Variants in PNISR observed in about 807,000 individuals in gnomAD.
The protein encoded by PNISR is arginine/serine-rich protein PNISR.
In PNISR, 20 loss-of-function variants were observed where a neutral mutation model predicts 93.4. That is an observed-to-expected ratio of 0.21 (90% confidence interval 0.15 to 0.31). The LOEUF is 0.31. Among genes scored for constraint, PNISR ranks in the 10% least tolerant of loss-of-function variants. The pLI, the probability that PNISR is intolerant of heterozygous loss-of-function variation, is 1.00. For missense variants in PNISR, 893 were observed against 985.4 expected, an observed-to-expected ratio of 0.91 and a Z score of 1.25; for synonymous variants, 305 against 306.5, an observed-to-expected ratio of 0.99 and a Z score of 0.05.
intron 2 of PNISR, chr6:99,415,443 A>C (rs926359620): frequency 1.1e-4 from 17 of 152,190 alleles, no homozygotes; most frequent in African/African-American, 4.1e-4. Context: ...AAAAGATGGG[A>C]GGGAAGGTAC....
At chr6:99,409,552 C>A in intron 5 of PNISR, 1 of 428,214 alleles carries the variant, frequency 2.3e-6, no homozygotes. Context: ...TGCAAAGAGG[C>A]TTCTAAAAGC....
intron 1 of PNISR, 51 bp downstream of exon 1, chr6:99,425,164 C>G: frequency 1.7e-6 from 2 of 1,165,912 alleles, no homozygotes; most frequent in Non-Finnish European, 2.2e-6. Flanking sequence ...AAACCAAGAA[C>G]GTTGTAATGG....
chr6:99,414,598 T>G lies in PNISR; in HGVS notation c.62A>C (p.Gln21Pro). ...QWPLNQQQWM[Q>P]SFQHQQDPSQ... ...TGGATCCTGTTGGTGCTGGAATGAC[T>G]GCATCCATTGTTGCTGGTTCAAGGG... The change falls in exon 3 of 12, where the codon CAG (glutamine) becomes CCG (proline). Residue 21 changes from glutamine (Q) to proline (P), a missense_variant. Gln to Pro is a moderately conservative substitution (Grantham distance 76). Around this residue, in one of 3 missense-constraint regions of PNISR, gnomAD observed 24 missense variants for 32.9 expected, o/e 0.73. Coordinates refer to ENST00000369239, the MANE Select transcript of PNISR (RefSeq NM_032870.4). The G allele has an allele frequency of 6.2e-7, 1 of 1,600,744 alleles. No individual in the cohort carries two copies. The highest frequency in any genetic ancestry group is 8.6e-7 in the Non-Finnish European group (1 of 1,168,258).
chr6:99,412,886 T>C (rs1777134518), intron 3 of PNISR, 147 bp from the exon 4 acceptor site: 2 of 473,340 alleles, frequency 4.2e-6, no homozygotes, highest in Non-Finnish European at 3.7e-6. Flanking sequence ...AAATTTTTTT[T>C]GAATGAGATC....
chr6:99,409,042 C>A (rs1400027775), intron 6 of PNISR, 131 bp downstream of exon 6: 9 of 688,672 alleles, frequency 1.3e-5, no homozygotes, highest in Non-Finnish European at 2.2e-5. Context: ...AGCTTTATGA[C>A]CATAAAAAAT....
In PNISR at chr6:99,412,599, G is replaced by A; in HGVS notation, c.229C>T (p.His77Tyr). Residue 77 changes from histidine (H) to tyrosine (Y), a missense_variant, in exon 4 of 12, where the codon CAT (histidine) becomes TAT (tyrosine). By Grantham distance (83) the His-to-Tyr change is moderately conservative (BLOSUM62 2). Transcript: ENST00000369239. Reference sequence around the variant, plus strand: ...TTTGAATCCCCTTGGAAATTCCCATGATTGTTTGGACCAGATTCCATTGTA... The same window carrying A: ...TTTGAATCCCCTTGGAAATTCCCATAATTGTTTGGACCAGATTCCATTGTA... ...MSTMESGPNN[H>Y]GNFQGDSNFN... 1 of 1,607,390 alleles carries A rather than the reference G, an allele frequency of 6.2e-7. No homozygotes were observed.
chr6:99,402,871 A>C (rs537923843), intron 10 of PNISR, 161 bp from the exon 11 acceptor site: 2 of 476,318 alleles, frequency 4.2e-6, no homozygotes, highest in South Asian at 1.0e-4. Context: ...ACGCTTAAGG[A>C]GTTCACAGAA....
chr6:99,404,072 T>A (rs915101358), intron 9 of PNISR, 190 bp from the exon 10 acceptor site: 8 of 542,888 alleles, frequency 1.5e-5, no homozygotes, highest in Non-Finnish European at 2.3e-5. Flanking sequence ...TGATGTGAGC[T>A]GAAATTGGTT....
chr6:99,401,788 A>G (rs1303227985), intron 11 of PNISR, among the ~76,000 whole-genome samples, 158 bp from the exon 12 acceptor site: 1 of 152,226 alleles, frequency 6.6e-6, no homozygotes, highest in Non-Finnish European at 1.5e-5. Context: ...TAACCACATT[A>G]AAAAAGTAAA....
chr6:99,422,614 C>T (rs1216462059), intron 1 of PNISR, among the ~76,000 whole-genome samples: 1 of 152,160 alleles, frequency 6.6e-6, no homozygotes, highest in Admixed American at 6.5e-5. Context: ...CGGCTCATGC[C>T]TGTAAACCCA....
intron 1 of PNISR, among the ~76,000 whole-genome samples, chr6:99,423,009 C>G (rs144978360): frequency 2.6e-5 from 4 of 151,690 alleles, no homozygotes; most frequent in African/African-American, 9.7e-5. Flanking sequence ...CACCTAGGCA[C>G]GAGAACTTGG....
chr6:99,422,392 T>C (rs1385688874), intron 1 of PNISR, among the ~76,000 whole-genome samples: 1 of 152,224 alleles, frequency 6.6e-6, no homozygotes, highest in Non-Finnish European at 1.5e-5. Context: ...ATTTCAGTCT[T>C]ACATGAGTTG....
At position 99,400,712 on chromosome 6, in the gene PNISR, T is replaced by C; in HGVS notation, c.2246A>G (p.Lys749Arg). 4 of 1,613,272 alleles carry C rather than the reference T, an allele frequency of 2.5e-6. No individual in the cohort carries two copies. Among genetic ancestry groups the C allele is most frequent in the Non-Finnish European group, 2.5e-6 (3 of 1,179,770 alleles). Residue 749 changes from lysine (K) to arginine (R), a missense_variant, in exon 12 of 12, where the codon AAA (lysine) becomes AGA (arginine). Around this residue, in one of 3 missense-constraint regions of PNISR, gnomAD observed 866 missense variants for 935.1 expected, o/e 0.93. Transcript: ENST00000369239. ...DSKKSTTKDS[K>R]KHSGSDSSGR... is the part of the protein sequence containing the mutation. The stretch of plus-strand genomic sequence containing the variant: ...ACTAGAATCAGAGCCTGAATGTTTT[T>C]TACTATCTTTGGTAGTACTTTTCTT...
chr6:99,403,822 C>T lies in PNISR; in HGVS notation c.1156+7G>A. On this transcript the variant is annotated splice_region_variant and intron_variant, in intron 10 of 11. Transcript: ENST00000369239. ...TAGGCCCTCTCACAAATATGGAAAA[C>T]ACTTACCGAGTCCAGTGAGGGAAGC... 1 of 1,610,496 alleles carries T rather than the reference C, an allele frequency of 6.2e-7. No individual in the cohort carries two copies. The highest frequency in any genetic ancestry group is 8.5e-7 in the Non-Finnish European group (1 of 1,177,210).
chr6:99,404,247 G>C (rs918394995), intron 9 of PNISR: 2 of 364,016 alleles, frequency 5.5e-6, no homozygotes, highest in African/African-American at 4.2e-5. Context: ...AAAAATTGTA[G>C]GTAGATAATT....
At chr6:99,402,434 A>T (rs1775619679) in intron 11 of PNISR, 106 bp downstream of exon 11, 3 of 847,482 alleles carry the variant, frequency 3.5e-6, no homozygotes, top group Non-Finnish European at 5.1e-6. Context: ...ATCACATATT[A>T]TTTATAATAT....
chr6:99,423,265 T>G (rs544803881), intron 1 of PNISR, among the ~76,000 whole-genome samples: 1 of 152,144 alleles, frequency 6.6e-6, no homozygotes, highest in South Asian at 2.1e-4. Flanking sequence ...GATTATAATA[T>G]AAGTTATGTA....
intron 1 of PNISR, among the ~76,000 whole-genome samples, chr6:99,422,899 A>AAAAAC (rs58927348): frequency 6.9e-6 from 1 of 145,502 alleles, no homozygotes; most frequent in African/African-American, 2.5e-5. Context: ...AAAAAAAAAA[A>AAAAAC]CTGGAGAATT....
At chr6:99,403,555 T>C (rs1355710617) in intron 10 of PNISR, 3 of 201,166 alleles carry the variant, frequency 1.5e-5, no homozygotes, top group African/African-American at 7.0e-5. Context: ...TAATTATATA[T>C]ATATAAAATG....
Sources: gnomAD v4.1 joint callset for allele counts (sites outside exome capture counted in the v4.1 genomes callset) on GRCh38, gnomAD v4.1.1 for gene constraint, gnomAD v4.1.1 regional missense constraint, MANE v1.5 for transcripts, NCBI Gene and HGNC (gene_info 2026-07-23, HGNC 2026-07-21) for gene names.